Variants in TTC28 observed in about 807,000 individuals in gnomAD.
The protein encoded by TTC28 is tetratricopeptide repeat protein 28.
In TTC28, 61 loss-of-function variants were observed where a neutral mutation model predicts 198.0. The observed-to-expected ratio is 0.31, with a 90% CI of 0.25 to 0.38. TTC28 has a LOEUF of 0.38. TTC28 is among the 10% of genes least tolerant of loss of function. The pLI is 1.00. For missense variants in TTC28, 2,678 were observed against 3,164.0 expected (o/e 0.85, Z 3.69); for synonymous variants, 1,171 against 1,297.8 (o/e 0.90, Z 2.10).
At chr22:28,445,863 C>T (rs532229863) in intron 2 of TTC28, among the ~76,000 whole-genome samples, 6 of 143,134 alleles carry the variant, frequency 4.2e-5, no homozygotes, top group East Asian at 2.0e-4. Flanking sequence ...CATATCTATA[C>T]ACACACACAC....
intron 12 of TTC28, among the ~76,000 whole-genome samples, chr22:28,063,406 A>G (rs1433220899): frequency 1.3e-5 from 2 of 152,208 alleles, no homozygotes; most frequent in East Asian, 1.9e-4. Flanking sequence ...GCTAAAAGCC[A>G]TAAGAATGGT....
chr22:28,547,493 C>G (rs1483474842), intron 2 of TTC28, among the ~76,000 whole-genome samples: 1 of 152,112 alleles, frequency 6.6e-6, no homozygotes, highest in African/African-American at 2.4e-5. Context: ...TTTTGTCTCT[C>G]CCTTATAAAG....
intron 6 of TTC28, among the ~76,000 whole-genome samples, chr22:28,138,309 G>A (rs1041006223): frequency 1.3e-5 from 2 of 152,048 alleles, no homozygotes; most frequent in African/African-American, 4.8e-5. Flanking sequence ...CTTAATAATG[G>A]GTAAAGGGAT....
chr22:28,119,985 C>T (rs561015862), intron 6 of TTC28, among the ~76,000 whole-genome samples: 1 of 152,234 alleles, frequency 6.6e-6, no homozygotes, highest in Non-Finnish European at 1.5e-5. Context: ...AAATGTAATG[C>T]ATTAAGAAGA....
At chr22:28,217,387 C>T (rs946909389) in intron 5 of TTC28, among the ~76,000 whole-genome samples, 2 of 152,194 alleles carry the variant, frequency 1.3e-5, no homozygotes, top group African/African-American at 4.8e-5. Context: ...ATACCTATTA[C>T]ATCAGTTCAG....
At chr22:28,018,261 GTGTGTGTGTGTGTGTGTA>G (rs1363977059) in intron 13 of TTC28, among the ~76,000 whole-genome samples, 13 of 139,420 alleles carry the variant, frequency 9.3e-5, no homozygotes, top group Middle Eastern at 3.7e-3. Flanking sequence ...GTGTGTGTGT[GTGTGTGTGTGTGTGTGTA>G]TGTGTGTGCG....
chr22:27,985,223 G>T, intron 22 of TTC28, 26 bp downstream of exon 22: 1 of 1,520,304 alleles, frequency 6.6e-7, no homozygotes. Context: ...CCCTGGTGGA[G>T]AACTGGTCTG....
chr22:28,064,579 G>A (rs1940681318), intron 12 of TTC28, among the ~76,000 whole-genome samples: 1 of 151,774 alleles, frequency 6.6e-6, no homozygotes, highest in Admixed American at 6.6e-5. Context: ...GTGAGATAAT[G>A]GAATAAAAAT....
At chr22:28,649,471 T>C (rs71327310) in intron 1 of TTC28, among the ~76,000 whole-genome samples, 2 of 152,326 alleles carry the variant, frequency 1.3e-5, no homozygotes, top group African/African-American at 2.4e-5. Flanking sequence ...TTGTTTGTTT[T>C]AAGAAAGGCT....
At chr22:28,066,699 T>C (rs1381128259) in intron 12 of TTC28, among the ~76,000 whole-genome samples, 4 of 152,182 alleles carry the variant, frequency 2.6e-5, no homozygotes, top group Admixed American at 2.6e-4. Context: ...GGTGTCTCAC[T>C]GGACAACTTG....
At chr22:28,233,017 G>T (rs550421070) in intron 5 of TTC28, among the ~76,000 whole-genome samples, 223 of 151,794 alleles carry the variant, frequency 1.5e-3, no homozygotes, top group Non-Finnish European at 2.6e-3. Flanking sequence ...CAGGAGAATC[G>T]CTTGAACCCG....
chr22:28,018,063 C>T (rs1040490071), intron 13 of TTC28, among the ~76,000 whole-genome samples: 1 of 152,204 alleles, frequency 6.6e-6, no homozygotes, highest in Non-Finnish European at 1.5e-5. Context: ...CTCTCAGCCT[C>T]CCACCCTGGC....
chr22:28,143,176 T>C (rs917282868), intron 6 of TTC28, among the ~76,000 whole-genome samples: 2 of 152,194 alleles, frequency 1.3e-5, no homozygotes, highest in African/African-American at 2.4e-5. Context: ...ACTTTTATTT[T>C]GCAGTATGAT....
intron 1 of TTC28, 101 bp downstream of exon 1, chr22:28,679,521 T>G (rs1314981153): frequency 1.3e-6 from 1 of 770,868 alleles, no homozygotes; most frequent in African/African-American, 1.9e-5. Flanking sequence ...CGAGACGCCT[T>G]CCGCCTCGCA....
At chr22:28,089,702 A>T in intron 12 of TTC28, among the ~76,000 whole-genome samples, 1 of 150,550 alleles carries the variant, frequency 6.6e-6, no homozygotes, top group African/African-American at 2.4e-5. Flanking sequence ...AAAAATAAAA[A>T]AATAAAAAAA....
chr22:28,560,723 C>T (rs2049856541), intron 2 of TTC28, among the ~76,000 whole-genome samples: 1 of 152,040 alleles, frequency 6.6e-6, no homozygotes, highest in Non-Finnish European at 1.5e-5. Flanking sequence ...GACATTTCTA[C>T]CTAAAATTGC....
chr22:28,090,944 A>G (rs1042334599), intron 12 of TTC28, among the ~76,000 whole-genome samples: 1 of 152,212 alleles, frequency 6.6e-6, no homozygotes, highest in Non-Finnish European at 1.5e-5. Context: ...GAAAAACCTT[A>G]TTTCTAGCAG....
intron 12 of TTC28, among the ~76,000 whole-genome samples, chr22:28,045,952 A>G (rs924670370): frequency 1.3e-5 from 2 of 152,240 alleles, no homozygotes; most frequent in African/African-American, 4.8e-5. Context: ...CCTGGGCGAC[A>G]GAGCAAGGCT....
intron 2 of TTC28, among the ~76,000 whole-genome samples, chr22:28,621,742 T>TAAAAAAAAA (rs771463983): frequency 2.6e-5 from 2 of 76,142 alleles, no homozygotes; most frequent in African/African-American, 1.0e-4. Flanking sequence ...GACTGTCTCT[T>TAAAAAAAAA]AAAAAAAAAA....
Sources: gnomAD v4.1 joint callset for allele counts (sites outside exome capture counted in the v4.1 genomes callset) on GRCh38, gnomAD v4.1.1 for gene constraint, MANE v1.5 for transcripts, NCBI Gene and HGNC (gene_info 2026-07-23, HGNC 2026-07-21) for gene names.